Variants in MYO5A observed in about 807,000 individuals in gnomAD.
MYO5A encodes the protein unconventional myosin-Va.
Under a neutral mutation model 249.7 loss-of-function variants are expected in MYO5A, and 98 were observed. The ratio of observed to expected loss-of-function variants is 0.39; its 90% CI spans 0.33 to 0.46. MYO5A has a LOEUF of 0.46. Among genes scored for constraint, MYO5A ranks in the 20% least tolerant of loss-of-function variants. The pLI, the probability that MYO5A is intolerant of heterozygous loss-of-function variation, is 0.98. For synonymous variants in MYO5A, 778 were observed against 810.6 expected, an observed-to-expected ratio of 0.96 and a Z score of 0.68; for missense variants, 1,696 against 2,308.8, an observed-to-expected ratio of 0.73 and a Z score of 5.44.
intron 39 of MYO5A, among the ~76,000 whole-genome samples, chr15:52,317,748 G>A (rs147835122): frequency 9.9e-5 from 15 of 152,284 alleles, no homozygotes; most frequent in African/African-American, 2.4e-4. Flanking sequence ...AGAAAGCTCC[G>A]GGATGAAAGG....
intron 4 of MYO5A, among the ~76,000 whole-genome samples, chr15:52,421,277 C>T (rs900370498): frequency 1.3e-5 from 2 of 152,010 alleles, no homozygotes; most frequent in Non-Finnish European, 1.5e-5. Flanking sequence ...AACCAAATGA[C>T]GGAAGGGGCC....
intron 1 of MYO5A, among the ~76,000 whole-genome samples, chr15:52,452,295 AC>A (rs969165706): frequency 7.9e-5 from 12 of 152,188 alleles, no homozygotes; most frequent in Non-Finnish European, 1.2e-4. Flanking sequence ...ACGCAGCTCC[AC>A]CAAATCTGTC....
chr15:52,401,569 C>T (rs1225459082), intron 9 of MYO5A, among the ~76,000 whole-genome samples: 2 of 152,152 alleles, frequency 1.3e-5, no homozygotes, highest in Non-Finnish European at 2.9e-5. Context: ...AGGGCAGTCT[C>T]TTAATCTCTC....
At chr15:52,352,202 C>T (rs1307318223) in intron 27 of MYO5A, among the ~76,000 whole-genome samples, 1 of 152,160 alleles carries the variant, frequency 6.6e-6, no homozygotes, top group Non-Finnish European at 1.5e-5. Context: ...CCAGCCAGCC[C>T]CTGCCACCAG....
intron 40 of MYO5A, among the ~76,000 whole-genome samples, chr15:52,314,423 C>T (rs1290965440): frequency 6.6e-6 from 1 of 152,188 alleles, no homozygotes; most frequent in Non-Finnish European, 1.5e-5. Flanking sequence ...TTGTAAGAAG[C>T]TGTGTAAATT....
At chr15:52,392,736 T>C (rs1400171089) in intron 11 of MYO5A, among the ~76,000 whole-genome samples, 7 of 152,254 alleles carry the variant, frequency 4.6e-5, no homozygotes, top group Non-Finnish European at 1.0e-4. Flanking sequence ...AAAATATGTA[T>C]TAACTGTCTA....
intron 1 of MYO5A, among the ~76,000 whole-genome samples, chr15:52,436,464 C>G (rs1225537307): frequency 6.6e-6 from 1 of 152,222 alleles, no homozygotes; most frequent in Non-Finnish European, 1.5e-5. Context: ...TATGATAGCT[C>G]AAATGTAAAC....
chr15:52,415,896 T>C, intron 5 of MYO5A: 2 of 509,880 alleles, frequency 3.9e-6, no homozygotes, highest in Non-Finnish European at 7.0e-6. Context: ...GGCAACAATT[T>C]TGCTGGTAGG....
At position 52,407,327 on chromosome 15, in the gene MYO5A, T is replaced by A. The variant is rs2043050391; in HGVS notation, c.911A>T (p.Glu304Val). Residue 304 changes from glutamate (E) to valine (V), a missense_variant, in exon 8 of 42, where the codon GAG (glutamate) becomes GTG (valine). This residue lies in a region of MYO5A where 185 missense variants were observed against 204.8 expected (regional missense o/e 0.90). Transcript: ENST00000399233. ...GCAGGCCTGCCTAGTATGTGCCATC[T>A]CCTTTGCATCATCCACTCCTTCAAT... ...PVIEGVDDAK[E>V]MAHTRQACTL... is the part of the protein sequence containing the mutation. The A allele has an allele frequency of 3.1e-6, 5 of 1,613,714 alleles. No individual in the cohort carries two copies. The highest frequency in any genetic ancestry group is 4.2e-6 in the Non-Finnish European group (5 of 1,179,602).
intron 37 of MYO5A, 126 bp from the exon 38 acceptor site, chr15:52,321,635 C>A (rs1372786744): frequency 2.0e-6 from 2 of 992,728 alleles, no homozygotes; most frequent in African/African-American, 3.2e-5. Flanking sequence ...CCCACTAATG[C>A]CAGGACTGAC....
At chr15:52,426,617 C>T (rs924224497) in intron 3 of MYO5A, among the ~76,000 whole-genome samples, 1 of 152,126 alleles carries the variant, frequency 6.6e-6, no homozygotes, top group African/African-American at 2.4e-5. Flanking sequence ...CACGCAACAC[C>T]ATGCCTGGCT....
chr15:52,368,149 C>T (rs2040907724), intron 22 of MYO5A, among the ~76,000 whole-genome samples: 1 of 152,072 alleles, frequency 6.6e-6, no homozygotes, highest in Non-Finnish European at 1.5e-5. Flanking sequence ...CTTGTCATGT[C>T]AGGGGGTTTA....
intron 1 of MYO5A, among the ~76,000 whole-genome samples, chr15:52,474,599 G>C (rs540330243): frequency 3.3e-5 from 5 of 152,172 alleles, no homozygotes; most frequent in Admixed American, 2.6e-4. Context: ...TTAGCATGAA[G>C]GGCTGTTGAA....
chr15:52,492,865 G>A (rs933305704), intron 1 of MYO5A, among the ~76,000 whole-genome samples: 1 of 152,192 alleles, frequency 6.6e-6, no homozygotes, highest in Non-Finnish European at 1.5e-5. Flanking sequence ...TTATTGTACT[G>A]TTCTTTCTAC....
At chr15:52,474,019 C>T (rs2076536101) in intron 1 of MYO5A, among the ~76,000 whole-genome samples, 1 of 152,176 alleles carries the variant, frequency 6.6e-6, no homozygotes. Context: ...TCTTCCTATC[C>T]ATGAGCATGG....
intron 1 of MYO5A, among the ~76,000 whole-genome samples, chr15:52,460,910 CAAAGG>C (rs764849789): frequency 6.6e-6 from 1 of 151,966 alleles, no homozygotes; most frequent in African/African-American, 2.4e-5. Context: ...TACATGTGGT[CAAAGG>C]AAAGTGCTCA....
intron 1 of MYO5A, among the ~76,000 whole-genome samples, chr15:52,457,179 C>T (rs183376143): frequency 2.0e-5 from 3 of 152,104 alleles, no homozygotes; most frequent in Non-Finnish European, 4.4e-5. Context: ...TGGTGGCTCA[C>T]GTCTGTAATC....
chr15:52,336,716 T>C (rs567725264), intron 33 of MYO5A, among the ~76,000 whole-genome samples, 160 bp from the exon 34 acceptor site: 1 of 152,308 alleles, frequency 6.6e-6, no homozygotes, highest in South Asian at 2.1e-4. Context: ...GCATGGGAAA[T>C]GCAGCTACAA....
intron 1 of MYO5A, among the ~76,000 whole-genome samples, chr15:52,465,302 C>T (rs1165494456): frequency 1.3e-5 from 2 of 152,184 alleles, no homozygotes; most frequent in Non-Finnish European, 2.9e-5. Flanking sequence ...GATCCCCTAT[C>T]CTTGCCCCTT....
Sources: allele counts gnomAD v4.1 joint callset (sites outside exome capture counted in the v4.1 genomes callset), GRCh38; gene constraint gnomAD v4.1.1; regional missense constraint gnomAD v4.1.1; transcripts MANE v1.5; gene names NCBI Gene and HGNC (gene_info 2026-07-23, HGNC 2026-07-21).